FSAF1: variants seen among roughly 807,000 people sequenced by gnomAD.
FSAF1 encodes 40S small subunit processome assembly factor 1, also known as uncharacterized protein C1orf131.
chr1:231,237,471 G>A, the FSAF1 span: 1 of 152,172 alleles, frequency 6.6e-6, no homozygotes, highest in Non-Finnish European at 1.5e-5. Flanking sequence ...CAGATTCAGG[G>A]TGGGCCTAAA....
chr1:231,224,389 T>C, the FSAF1 span: 1 of 1,610,270 alleles, frequency 6.2e-7, no homozygotes, highest in Non-Finnish European at 8.5e-7. Flanking sequence ...GACAAAATAC[T>C]GGGAGCGGAC....
At chr1:231,225,592 G>T in the FSAF1 span, 1 of 1,387,690 alleles carries the variant, frequency 7.2e-7, no homozygotes, top group Non-Finnish European at 1.0e-6. Flanking sequence ...AAGGCAAGAG[G>T]TTTGTGACCA....
the FSAF1 span, among the ~76,000 whole-genome samples, chr1:231,232,057 C>A: frequency 6.6e-6 from 1 of 152,282 alleles, no homozygotes; most frequent in South Asian, 2.1e-4. Flanking sequence ...AAAAAAAATT[C>A]TTGCCTCATT....
chr1:231,239,238 T>C, the FSAF1 span: 2 of 1,441,678 alleles, frequency 1.4e-6, no homozygotes, highest in Non-Finnish European at 1.9e-6. Context: ...GTCTTAGCTA[T>C]CATCAGTATC....
the FSAF1 span, among the ~76,000 whole-genome samples, chr1:231,228,256 G>A: frequency 9.2e-5 from 14 of 152,208 alleles, no homozygotes; most frequent in East Asian, 1.5e-3. Context: ...TATCAGTGGC[G>A]TTGTAGTCAC....
chr1:231,228,598 C>CAAA, the FSAF1 span, among the ~76,000 whole-genome samples: 336 of 102,850 alleles, frequency 3.3e-3, 3 homozygotes, highest in African/African-American at 6.6e-3. Flanking sequence ...GACTCTGCCT[C>CAAA]AAAAAAAAAA....
At chr1:231,238,036 G>A in the FSAF1 span, 1 of 152,260 alleles carries the variant, frequency 6.6e-6, no homozygotes, top group Non-Finnish European at 1.5e-5. Context: ...CAAAAAACTA[G>A]CCAGGCGTGG....
At chr1:231,229,432 T>C in the FSAF1 span, among the ~76,000 whole-genome samples, 2 of 152,192 alleles carry the variant, frequency 1.3e-5, no homozygotes, top group African/African-American at 4.8e-5. Flanking sequence ...GGTATAGGCA[T>C]TGGGGAAAAC....
chr1:231,233,695 G>A, the FSAF1 span, among the ~76,000 whole-genome samples: 2 of 152,200 alleles, frequency 1.3e-5, no homozygotes, highest in Non-Finnish European at 1.5e-5. Flanking sequence ...TGGAACTACA[G>A]GCGCATGCCA....
chr1:231,232,305 C>T, the FSAF1 span, among the ~76,000 whole-genome samples: 7 of 152,288 alleles, frequency 4.6e-5, no homozygotes, highest in East Asian at 1.9e-4. Context: ...CACGCTTCCC[C>T]GTCTACTTGA....
chr1:231,224,317 C>A, the FSAF1 span: 1 of 1,613,276 alleles, frequency 6.2e-7, no homozygotes, highest in Non-Finnish European at 8.5e-7. Context: ...TTCTTGATAT[C>A]AACTGGGCTC....
the FSAF1 span, among the ~76,000 whole-genome samples, chr1:231,239,885 C>T: frequency 3.7e-4 from 56 of 152,336 alleles, no homozygotes; most frequent in Non-Finnish European, 6.8e-4. Context: ...CATTCAATGC[C>T]TTCAGAGCTC....
the FSAF1 span, among the ~76,000 whole-genome samples, chr1:231,234,105 T>C: frequency 6.6e-6 from 1 of 152,168 alleles, no homozygotes; most frequent in South Asian, 2.1e-4. The surrounding 1 kb of genome is among the most constrained non-coding windows in gnomAD (Gnocchi z 4.0). Context: ...TTAATGAACA[T>C]AAACAAACAC....
the FSAF1 span, among the ~76,000 whole-genome samples, chr1:231,231,085 G>C: frequency 6.6e-5 from 10 of 152,260 alleles, no homozygotes; most frequent in African/African-American, 2.4e-4. Flanking sequence ...CACAACAGAC[G>C]CACTTTCCAT....
At chr1:231,223,864 T>TTA in the FSAF1 span, 1 of 154,586 alleles carries the variant, frequency 6.5e-6, no homozygotes, top group South Asian at 2.1e-4. Flanking sequence ...ACTGATAAAT[T>TTA]ACTAGATTCT....
At chr1:231,233,843 G>A in the FSAF1 span, among the ~76,000 whole-genome samples, 1 of 152,194 alleles carries the variant, frequency 6.6e-6, no homozygotes, top group Non-Finnish European at 1.5e-5. Flanking sequence ...GAGTCACCGT[G>A]CCCAGCCGAA....
chr1:231,240,900 G>C, the FSAF1 span: 1 of 838,474 alleles, frequency 1.2e-6, no homozygotes, highest in Non-Finnish European at 2.0e-6. The surrounding 1 kb of genome is among the most constrained non-coding windows in gnomAD (Gnocchi z 4.1). Context: ...CAGGTGGGAC[G>C]AAGGGTGCTT....
At chr1:231,225,377 T>G in the FSAF1 span, 1 of 1,225,406 alleles carries the variant, frequency 8.2e-7, no homozygotes, top group East Asian at 2.3e-5. Flanking sequence ...TCTAATGGGC[T>G]AGCAACACCA....
chr1:231,235,254 A>C, the FSAF1 span, among the ~76,000 whole-genome samples: 1 of 152,132 alleles, frequency 6.6e-6, no homozygotes, highest in South Asian at 2.1e-4. Context: ...TAATCCTAGC[A>C]CTTTGGGAGG....
Sources: gnomAD v4.1 joint callset for allele counts (sites outside exome capture counted in the v4.1 genomes callset) on GRCh38, gnomAD v4.1.1 for gene constraint, Gnocchi (gnomAD v3.1) non-coding constraint, MANE v1.5 for transcripts, NCBI Gene and HGNC (gene_info 2026-07-23, HGNC 2026-07-21) for gene names.